ABCC4: variants seen among roughly 807,000 people sequenced by gnomAD.
ABCC4 encodes the protein ATP binding cassette subfamily C member 4 (PEL blood group).
A neutral mutation model predicts 168.5 loss-of-function variants in ABCC4; 102 were observed. The observed-to-expected ratio is 0.61, with a 90% CI of 0.52 to 0.71. The LOEUF is 0.71. Among genes scored for constraint, ABCC4 ranks in the 30% least tolerant of loss-of-function variants. ABCC4 has a pLI of 0.00. For synonymous variants in ABCC4, 617 were observed against 590.7 expected (o/e 1.04, Z -0.65); for missense variants, 1,402 against 1,605.8 (o/e 0.87, Z 2.17).
intron 14 of ABCC4, chr13:95,170,317 T>C (rs1329710325): frequency 4.7e-6 from 2 of 424,428 alleles, no homozygotes; most frequent in East Asian, 3.6e-5. Flanking sequence ...CATCATTTTC[T>C]TTAACAATGT....
intron 2 of ABCC4, 29 bp from the exon 3 acceptor site, chr13:95,247,124 A>C (rs1327386118): frequency 1.9e-6 from 3 of 1,602,862 alleles, no homozygotes; most frequent in Admixed American, 3.5e-5. Flanking sequence ...TTCGTAAATA[A>C]GAGTGAACCC....
At chr13:95,073,473 GA>G (rs2033798974) in intron 23 of ABCC4, 169 bp from the exon 24 acceptor site, 1 of 452,222 alleles carries the variant, frequency 2.2e-6, no homozygotes, top group Admixed American at 3.9e-5. Context: ...ATACAATGGG[GA>G]AAACAACACT....
chr13:95,071,818 G>T lies in ABCC4; in HGVS notation c.3054C>A (p.Asp1018Glu), dbSNP rs942384884. 3 of 1,596,994 alleles carry T rather than the reference G, an allele frequency of 1.9e-6. No homozygotes were observed. The highest frequency in any genetic ancestry group is 1.7e-6 in the Non-Finnish European group (2 of 1,173,392). ...ISVERVIEYT[D>E]LEKEAPWEYQ... ...ATTCCCAAGGTGCTTCTTTTTCAAG[G>T]TCTGTGTATTCAATGACCCTTTCTA... The change falls in exon 25 of 31, where the codon GAC becomes GAA. Residue 1018 changes from aspartate (D) to glutamate (E), a missense_variant. Coordinates refer to ENST00000645237, the MANE Select transcript of ABCC4 (RefSeq NM_005845.5).
chr13:95,118,993 A>G (rs929608303), intron 19 of ABCC4, among the ~76,000 whole-genome samples: 1 of 152,092 alleles, frequency 6.6e-6, no homozygotes, highest in Non-Finnish European at 1.5e-5. Flanking sequence ...ATCTCTCATA[A>G]CACACAGGGT....
chr13:95,034,767 G>A lies in ABCC4; in HGVS notation c.3736-28C>T, dbSNP rs771388445. On this transcript the variant is annotated intron_variant, in intron 29 of 30. Coordinates refer to ENST00000645237, the MANE Select transcript of ABCC4 (RefSeq NM_005845.5). The stretch of plus-strand genomic sequence containing the variant: ...GTTAATCAGCAGAAAGAAACCCATT[G>A]AAACACAATGTTTTGCAGTAACATA... The A allele has an allele frequency of 2.5e-6, 4 of 1,613,464 alleles. No individual in the cohort carries two copies. The South Asian group carries it at 3.3e-5, about 13-fold the overall frequency.
At chr13:95,192,792 G>A (rs2038297339) in intron 9 of ABCC4, among the ~76,000 whole-genome samples, 1 of 152,292 alleles carries the variant, frequency 6.6e-6, no homozygotes, top group African/African-American at 2.4e-5. Context: ...GGTGGGGCGT[G>A]CCTGTAATCC....
At chr13:95,186,128 G>A (rs1356520682) in intron 11 of ABCC4, among the ~76,000 whole-genome samples, 6 of 151,512 alleles carry the variant, frequency 4.0e-5, no homozygotes, top group Non-Finnish European at 5.9e-5. Context: ...CTGCCTAGCC[G>A]GTTGATGATA....
intron 3 of ABCC4, among the ~76,000 whole-genome samples, chr13:95,237,896 T>C (rs1354446362): frequency 3.3e-5 from 5 of 152,052 alleles, no homozygotes; most frequent in Admixed American, 1.3e-4. Context: ...CAGTTTGTTT[T>C]AGAAATGGGG....
chr13:95,056,114 CA>C (rs1426703965), intron 26 of ABCC4, among the ~76,000 whole-genome samples: 1 of 152,094 alleles, frequency 6.6e-6, no homozygotes, highest in Non-Finnish European at 1.5e-5. Context: ...GGGACCAAGA[CA>C]AAAATCGCAT....
At chr13:95,267,642 T>C (rs945790271) in intron 1 of ABCC4, among the ~76,000 whole-genome samples, 1 of 152,206 alleles carries the variant, frequency 6.6e-6, no homozygotes, top group African/African-American at 2.4e-5. Flanking sequence ...AGAATTTGGC[T>C]GGGTTTTATC....
At chr13:95,287,443 T>C (rs1373098945) in intron 1 of ABCC4, among the ~76,000 whole-genome samples, 5 of 150,826 alleles carry the variant, frequency 3.3e-5, no homozygotes, top group Admixed American at 2.0e-4. Flanking sequence ...AAAAATTAGC[T>C]GGGCATGGTG....
At chr13:95,038,374 CAAAAAAAA>C (rs74617293) in intron 29 of ABCC4, among the ~76,000 whole-genome samples, 1 of 97,646 alleles carries the variant, frequency 1.0e-5, no homozygotes, top group Non-Finnish European at 1.9e-5. Flanking sequence ...AGCCCATACT[CAAAAAAAA>C]AAAAAAAAAA....
At chr13:95,060,254 C>T (rs770475253) in intron 26 of ABCC4, among the ~76,000 whole-genome samples, 9 of 152,180 alleles carry the variant, frequency 5.9e-5, no homozygotes, top group Non-Finnish European at 1.3e-4. Flanking sequence ...CCCTGGACTA[C>T]ATACATAGAG....
At chr13:95,089,455 TA>T (rs1418379346) in intron 20 of ABCC4, among the ~76,000 whole-genome samples, 2 of 152,026 alleles carry the variant, frequency 1.3e-5, no homozygotes, top group Admixed American at 6.6e-5. Flanking sequence ...CCGTCTCTAC[TA>T]AAAATACAAA....
intron 1 of ABCC4, chr13:95,269,425 CAAAA>C: frequency 5.7e-6 from 1 of 174,676 alleles, no homozygotes; most frequent in Non-Finnish European, 1.2e-5. Flanking sequence ...GACTCCATCT[CAAAA>C]AAAAAATATA....
chr13:95,230,653 T>C (rs1411536222), intron 4 of ABCC4, among the ~76,000 whole-genome samples: 3 of 152,162 alleles, frequency 2.0e-5, no homozygotes, highest in Non-Finnish European at 4.4e-5. Context: ...CAGGTGCCTG[T>C]AGTCCCAGCT....
chr13:95,266,826 T>TA (rs1162359048), intron 1 of ABCC4, among the ~76,000 whole-genome samples: 2 of 118,488 alleles, frequency 1.7e-5, no homozygotes, highest in African/African-American at 9.7e-5. Context: ...TACTCAAATC[T>TA]CTTTTTTTTT....
intron 19 of ABCC4, among the ~76,000 whole-genome samples, chr13:95,156,296 C>G (rs1428046233): frequency 6.6e-6 from 1 of 152,060 alleles, no homozygotes; most frequent in Non-Finnish European, 1.5e-5. Flanking sequence ...ATACAAAGAC[C>G]CAAGCTATAA....
chr13:95,171,794 C>T (rs555257317), intron 13 of ABCC4, among the ~76,000 whole-genome samples: 56 of 152,222 alleles, frequency 3.7e-4, no homozygotes, highest in Admixed American at 8.5e-4. Context: ...ATCACTTCAT[C>T]CTTTACGTCC....
Sources: gnomAD v4.1 joint callset for allele counts (sites outside exome capture counted in the v4.1 genomes callset) on GRCh38, gnomAD v4.1.1 for gene constraint, MANE v1.5 for transcripts, NCBI Gene and HGNC (gene_info 2026-07-23, HGNC 2026-07-21) for gene names.